Variants in CAMK1D observed in about 807,000 individuals in gnomAD.
CAMK1D encodes calcium/calmodulin-dependent protein kinase type 1D.
A neutral mutation model predicts 47.7 loss-of-function variants in CAMK1D; 9 were observed. That is an observed-to-expected ratio of 0.19 (90% CI 0.11 to 0.33). The LOEUF (loss-of-function observed/expected upper bound fraction) is 0.33. Ranked by LOEUF, CAMK1D falls within the 10% of genes least tolerant of loss-of-function variation. CAMK1D has a pLI of 1.00. For missense variants in CAMK1D, 291 were observed against 488.7 expected (o/e 0.60, Z 3.81); for synonymous variants, 184 against 184.9 (o/e 0.99, Z 0.04).
chr10:12,434,543 C>T (rs564488630), intron 1 of CAMK1D, among the ~76,000 whole-genome samples: 1 of 152,314 alleles, frequency 6.6e-6, no homozygotes, highest in South Asian at 2.1e-4. Flanking sequence ...TGTGAGCTCT[C>T]TCATTACTGG....
intron 3 of CAMK1D, among the ~76,000 whole-genome samples, chr10:12,747,471 A>G (rs553181212): frequency 6.6e-6 from 1 of 151,906 alleles, no homozygotes; most frequent in East Asian, 2.0e-4. Context: ...ACGCCTGGCC[A>G]ATTATTTTTA....
chr10:12,498,269 C>T (rs1246294602), intron 1 of CAMK1D, among the ~76,000 whole-genome samples: 1 of 152,126 alleles, frequency 6.6e-6, no homozygotes, highest in African/African-American at 2.4e-5. Context: ...GTTGAGTGGA[C>T]CTGGGGCTCC....
At chr10:12,356,596 C>G (rs1225894910) in intron 1 of CAMK1D, among the ~76,000 whole-genome samples, 1 of 151,990 alleles carries the variant, frequency 6.6e-6, no homozygotes, top group Non-Finnish European at 1.5e-5. Flanking sequence ...GTGCTGTGCA[C>G]CTGTAGTCCC....
chr10:12,796,719 A>G (rs1473605873), intron 6 of CAMK1D, among the ~76,000 whole-genome samples: 1 of 152,150 alleles, frequency 6.6e-6, no homozygotes, highest in East Asian at 1.9e-4. Flanking sequence ...CCAGCGGGCA[A>G]CAGTCGCCTG....
intron 1 of CAMK1D, among the ~76,000 whole-genome samples, chr10:12,530,852 T>A (rs962239271): frequency 3.3e-5 from 5 of 151,692 alleles, no homozygotes; most frequent in Middle Eastern, 3.2e-3. Flanking sequence ...AGGTCAGGAG[T>A]TCGAGACCAG....
At chr10:12,529,786 C>T (rs1588597701) in intron 1 of CAMK1D, among the ~76,000 whole-genome samples, 1 of 152,224 alleles carries the variant, frequency 6.6e-6, no homozygotes, top group East Asian at 1.9e-4. Context: ...GAAGAAAGCC[C>T]TTAAGGCAAT....
intron 3 of CAMK1D, among the ~76,000 whole-genome samples, chr10:12,674,238 A>C (rs1455274624): frequency 6.6e-6 from 1 of 152,166 alleles, no homozygotes; most frequent in Non-Finnish European, 1.5e-5. Flanking sequence ...CCTGGCCCCC[A>C]TCTTTTCTGT....
chr10:12,435,928 C>G (rs1832622106), intron 1 of CAMK1D, among the ~76,000 whole-genome samples: 1 of 152,174 alleles, frequency 6.6e-6, no homozygotes, highest in East Asian at 1.9e-4. Flanking sequence ...GGATCAGATG[C>G]TAGAGCTTGC....
chr10:12,777,226 G>A (rs1334045468), intron 5 of CAMK1D, among the ~76,000 whole-genome samples: 1 of 152,192 alleles, frequency 6.6e-6, no homozygotes, highest in Non-Finnish European at 1.5e-5. Flanking sequence ...AGACAGAGAA[G>A]GGGCAGTGGG....
chr10:12,561,735 CT>C (rs1208309082), intron 2 of CAMK1D, among the ~76,000 whole-genome samples: 1 of 152,174 alleles, frequency 6.6e-6, no homozygotes, highest in East Asian at 1.9e-4. Flanking sequence ...TTTGGTGCTT[CT>C]AGTGGCTTTC....
chr10:12,638,184 G>C (rs1483459715), intron 2 of CAMK1D, among the ~76,000 whole-genome samples: 1 of 152,148 alleles, frequency 6.6e-6, no homozygotes. Context: ...GGGTGGGAGG[G>C]GCCAGGCTTC....
chr10:12,529,760 T>A (rs1334912502), intron 1 of CAMK1D, among the ~76,000 whole-genome samples: 1 of 152,082 alleles, frequency 6.6e-6, no homozygotes, highest in Non-Finnish European at 1.5e-5. Flanking sequence ...AAAATACGAG[T>A]GCTGGGAAAA....
At chr10:12,827,519 T>TG (rs1833292155) in intron 10 of CAMK1D, among the ~76,000 whole-genome samples, 1 of 21,178 alleles carries the variant, frequency 4.7e-5, no homozygotes, top group Non-Finnish European at 1.0e-4. Flanking sequence ...TCTTTCTTTC[T>TG]TTCTTTCTTT....
chr10:12,375,433 T>G (rs917296458), intron 1 of CAMK1D, among the ~76,000 whole-genome samples: 4 of 152,158 alleles, frequency 2.6e-5, no homozygotes, highest in African/African-American at 9.7e-5. Flanking sequence ...CTGCAATGAG[T>G]GTTTAATCCA....
intron 1 of CAMK1D, among the ~76,000 whole-genome samples, chr10:12,541,779 C>T (rs926373388): frequency 6.6e-6 from 1 of 152,070 alleles, no homozygotes; most frequent in African/African-American, 2.4e-5. Context: ...CTAAAAGGCA[C>T]CTGTCTGTTT....
intron 2 of CAMK1D, among the ~76,000 whole-genome samples, chr10:12,577,400 C>G (rs1200247365): frequency 6.6e-6 from 1 of 152,208 alleles, no homozygotes; most frequent in Non-Finnish European, 1.5e-5. Context: ...CTACCCAGTT[C>G]TGGATTCAGA....
intron 2 of CAMK1D, among the ~76,000 whole-genome samples, chr10:12,558,212 A>G (rs2132284090): frequency 6.6e-6 from 1 of 152,230 alleles, no homozygotes; most frequent in Non-Finnish European, 1.5e-5. Context: ...TACAGAGTTT[A>G]TGATTTCTGT....
intron 5 of CAMK1D, among the ~76,000 whole-genome samples, chr10:12,771,257 C>T (rs755550935): frequency 2.6e-5 from 4 of 152,168 alleles, no homozygotes; most frequent in African/African-American, 4.8e-5. Flanking sequence ...ATGCGAAGTG[C>T]GGTGACCTTT....
At chr10:12,572,986 G>A (rs557718364) in intron 2 of CAMK1D, among the ~76,000 whole-genome samples, 4 of 152,332 alleles carry the variant, frequency 2.6e-5, no homozygotes, top group Admixed American at 6.5e-5. Flanking sequence ...AGAGCTCTGC[G>A]AGTCATAGGA....
Sources: gnomAD v4.1 joint callset for allele counts (sites outside exome capture counted in the v4.1 genomes callset) on GRCh38, gnomAD v4.1.1 for gene constraint, MANE v1.5 for transcripts, NCBI Gene and HGNC (gene_info 2026-07-23, HGNC 2026-07-21) for gene names.